Variants in ERC2 observed in about 807,000 individuals in gnomAD.
The protein encoded by ERC2 is ERC protein 2.
ERC2 carries 42 observed loss-of-function variants against 114.8 expected under a neutral mutation model. The ratio of observed to expected loss-of-function variants is 0.37; its 90% CI spans 0.29 to 0.47. The LOEUF (loss-of-function observed/expected upper bound fraction) is 0.47. ERC2 is among the 20% of genes least tolerant of loss of function. ERC2 has a pLI of 0.99. For missense variants in ERC2, 939 were observed against 1,150.7 expected (o/e 0.82, Z 2.66); for synonymous variants, 454 against 425.5 (o/e 1.07, Z -0.82).
intron 3 of ERC2, among the ~76,000 whole-genome samples, chr3:56,180,634 T>C: frequency 6.6e-6 from 1 of 152,082 alleles, no homozygotes; most frequent in East Asian, 1.9e-4. Flanking sequence ...AGTGAAATGG[T>C]GCTTGCCAGG....
intron 1 of ERC2, among the ~76,000 whole-genome samples, chr3:56,449,366 A>G (rs891120453): frequency 6.6e-6 from 1 of 151,938 alleles, no homozygotes; most frequent in African/African-American, 2.4e-5. Flanking sequence ...GGTCCCTTGG[A>G]CTCTTCCTCC....
chr3:55,775,894 A>G (rs1162781195), intron 14 of ERC2, among the ~76,000 whole-genome samples: 1 of 152,188 alleles, frequency 6.6e-6, no homozygotes, highest in Non-Finnish European at 1.5e-5. Context: ...TGGCTTCCCC[A>G]GGGGCAGTCT....
At chr3:55,591,775 C>T (rs1229250213) in intron 17 of ERC2, among the ~76,000 whole-genome samples, 1 of 152,184 alleles carries the variant, frequency 6.6e-6, no homozygotes, top group Non-Finnish European at 1.5e-5. Flanking sequence ...CCCCATTATT[C>T]TTGTCCTTCT....
chr3:55,924,228 A>T (rs2065616625), intron 13 of ERC2, among the ~76,000 whole-genome samples: 1 of 152,158 alleles, frequency 6.6e-6, no homozygotes. Context: ...CTTCTAGAGC[A>T]GGGGTTGGCA....
chr3:55,559,758 G>T (rs1008562853), intron 17 of ERC2, among the ~76,000 whole-genome samples: 2 of 152,254 alleles, frequency 1.3e-5, no homozygotes, highest in African/African-American at 4.8e-5. Flanking sequence ...GAGAACAAGA[G>T]AGATTAATTT....
At chr3:55,793,712 C>T (rs1217873302) in intron 14 of ERC2, among the ~76,000 whole-genome samples, 1 of 152,178 alleles carries the variant, frequency 6.6e-6, no homozygotes, top group East Asian at 1.9e-4. Flanking sequence ...TAACACTTCA[C>T]TTCCTATGAA....
At chr3:56,079,489 AG>A (rs1237055026) in intron 7 of ERC2, among the ~76,000 whole-genome samples, 3 of 152,150 alleles carry the variant, frequency 2.0e-5, no homozygotes, top group Non-Finnish European at 4.4e-5. Context: ...GTCTGAGCAA[AG>A]GGGAAGGCAG....
intron 13 of ERC2, among the ~76,000 whole-genome samples, chr3:55,899,446 T>C (rs1259945990): frequency 5.3e-5 from 8 of 152,156 alleles, no homozygotes. Context: ...CACAAACATA[T>C]ATGTATACAA....
At chr3:56,285,011 TCA>T (rs1224717422) in intron 3 of ERC2, among the ~76,000 whole-genome samples, 138 of 95,682 alleles carry the variant, frequency 1.4e-3, no homozygotes, top group Admixed American at 3.7e-3. Context: ...TCTCTCTCTC[TCA>T]CACACACACA....
At chr3:56,322,583 G>A (rs774889159) in intron 2 of ERC2, among the ~76,000 whole-genome samples, 6 of 152,132 alleles carry the variant, frequency 3.9e-5, no homozygotes, top group Admixed American at 2.6e-4. Flanking sequence ...CTAAAAAACT[G>A]GACAACATGT....
At chr3:55,530,132 C>T (rs974782241) in intron 17 of ERC2, among the ~76,000 whole-genome samples, 1 of 152,224 alleles carries the variant, frequency 6.6e-6, no homozygotes, top group Admixed American at 6.5e-5. Flanking sequence ...CCTGCAACTG[C>T]AATGCTGAGC....
intron 14 of ERC2, among the ~76,000 whole-genome samples, chr3:55,799,412 T>TTATATATATGCATATATATATACCTTA (rs2070808791): frequency 9.3e-6 from 1 of 107,070 alleles, no homozygotes; most frequent in Non-Finnish European, 1.8e-5. Flanking sequence ...TATATATGCC[T>TTATATATATGCATATATATATACCTTA]TATATATATG....
chr3:55,573,037 G>T (rs2056801776), intron 17 of ERC2, among the ~76,000 whole-genome samples: 2 of 152,162 alleles, frequency 1.3e-5, no homozygotes, highest in Non-Finnish European at 2.9e-5. Flanking sequence ...AAAGAGAACA[G>T]GTTTGACCGC....
intron 14 of ERC2, among the ~76,000 whole-genome samples, chr3:55,883,115 ATATT>A (rs915957777): frequency 7.9e-5 from 12 of 152,250 alleles, no homozygotes; most frequent in African/African-American, 2.9e-4. Flanking sequence ...TCATCAGTGA[ATATT>A]TATACATTTT....
rs182094397 is a variant in ERC2 at position 56,258,475 on chromosome 3, A to G, written c.1074+37544T>C. On this transcript the variant is annotated intron_variant, in intron 3 of 17. Coordinates refer to ENST00000288221, the MANE Select transcript of ERC2 (RefSeq NM_015576.3). The stretch of plus-strand genomic sequence containing the variant: ...GATTGAGACCATCCTGTGAATGGTG[A>G]AACCCCGTCTCTACTAAAAATACAA... 4.9e-3 allele frequency among the ~76,000 whole-genome samples: 742 copies of G among 152,266 alleles called. 2 individuals are homozygous for G. Among genetic ancestry groups the G allele is most frequent in the Non-Finnish European group, 7.6e-3 (520 of 68,008 alleles).
At chr3:55,839,521 AAATAC>A (rs1396717424) in intron 14 of ERC2, among the ~76,000 whole-genome samples, 1 of 151,960 alleles carries the variant, frequency 6.6e-6, no homozygotes, top group East Asian at 1.9e-4. Context: ...ACAAAAATTA[AAATAC>A]AATATATTAC....
intron 2 of ERC2, among the ~76,000 whole-genome samples, chr3:56,377,852 C>CA (rs113903383): frequency 1.1e-3 from 150 of 133,676 alleles, no homozygotes; most frequent in East Asian, 1.5e-3. Flanking sequence ...ACCCTATCTC[C>CA]AAAAAAAAAA....
chr3:56,037,001 C>G (rs1484945146), intron 7 of ERC2, among the ~76,000 whole-genome samples: 1 of 152,246 alleles, frequency 6.6e-6, no homozygotes, highest in East Asian at 1.9e-4. Flanking sequence ...ACAACGACAA[C>G]GACGTCAATA....
chr3:55,774,346 G>A (rs543930393), intron 14 of ERC2, among the ~76,000 whole-genome samples: 2 of 152,346 alleles, frequency 1.3e-5, no homozygotes, highest in East Asian at 1.9e-4. Context: ...AAGTCTGTGT[G>A]TGCATTTAGA....
Sources: gnomAD v4.1 joint callset for allele counts (sites outside exome capture counted in the v4.1 genomes callset) on GRCh38, gnomAD v4.1.1 for gene constraint, MANE v1.5 for transcripts, NCBI Gene and HGNC (gene_info 2026-07-23, HGNC 2026-07-21) for gene names.